Variants in PCF11 observed in about 807,000 individuals in gnomAD.
The protein encoded by PCF11 is PCF11 cleavage and polyadenylation factor subunit.
A neutral mutation model predicts 166.1 loss-of-function variants in PCF11; 19 were observed. That is an observed-to-expected ratio of 0.11 (90% CI 0.08 to 0.17). The LOEUF (loss-of-function observed/expected upper bound fraction) is 0.17, where lower values mean the gene tolerates loss of function less well. Among genes scored for constraint, PCF11 ranks in the 10% least tolerant of loss-of-function variants. PCF11 has a pLI of 1.00. For synonymous variants in PCF11, 663 were observed against 644.1 expected (o/e 1.03, Z -0.44); for missense variants, 1,565 against 1,855.5 (o/e 0.84, Z 2.88).
At chr11:83,166,814 C>CT (rs1860479929) in intron 5 of PCF11, 100 bp downstream of exon 5, 3 of 994,794 alleles carry the variant, frequency 3.0e-6, no homozygotes, top group Non-Finnish European at 4.5e-6. Context: ...GCTATTAGTA[C>CT]TTTTTTTCCA....
intron 11 of PCF11, 144 bp downstream of exon 11, chr11:83,177,963 TGTG>T (rs1311838248): frequency 1.1e-5 from 4 of 369,908 alleles, no homozygotes; most frequent in Non-Finnish European, 2.0e-5. Flanking sequence ...TTTTTTTTAA[TGTG>T]GTAAAATATA....
chr11:83,166,994 ATTTAT>A, intron 5 of PCF11, 126 bp from the exon 6 acceptor site: 1 of 733,796 alleles, frequency 1.4e-6, no homozygotes, highest in Non-Finnish European at 2.2e-6. Context: ...GCTCTTAATC[ATTTAT>A]TTAATTACTT....
At position 83,170,055 on chromosome 11, in the gene PCF11, TC is replaced by T. The variant is rs973505211; in HGVS notation, c.3660+61del. 16 of 1,373,100 alleles carry T rather than the reference TC, an allele frequency of 1.2e-5. No individual in the cohort carries two copies. The African/African-American group carries it at 1.9e-4, about 16-fold the overall frequency. 85.1% of individuals were successfully genotyped at this position (1,373,100 alleles called of 1,614,324 possible). Reference sequence around the variant, plus strand: ...GATAAGTTAACCATTTTTTAATGTTTCTAGGAGGGTTTTCAGGACATAGTTT... The same window carrying T: ...GATAAGTTAACCATTTTTTAATGTTTTAGGAGGGTTTTCAGGACATAGTTT... On this transcript the variant is annotated intron_variant, in intron 8 of 15. Transcript: ENST00000298281.
intron 1 of PCF11, among the ~76,000 whole-genome samples, chr11:83,159,719 C>A (rs1245741693): frequency 6.6e-6 from 1 of 152,174 alleles, no homozygotes; most frequent in South Asian, 2.1e-4. Flanking sequence ...GAGGGATTTC[C>A]GTTATTTGGT....
intron 1 of PCF11, among the ~76,000 whole-genome samples, chr11:83,160,949 A>G (rs1860225662): frequency 6.6e-6 from 1 of 152,238 alleles, no homozygotes; most frequent in African/African-American, 2.4e-5. Context: ...GAGTGTAGGC[A>G]CACCGTTGTA....
At chr11:83,169,814 A>G in exon 8 of PCF11, 1 of 1,613,134 alleles carries the variant, frequency 6.2e-7, no homozygotes, top group Non-Finnish European at 8.5e-7. Context: ...CAAATATTTG[A>G]TTCACCTCAA....
At chr11:83,161,512 A>G (rs1860252691) in intron 2 of PCF11, 60 bp downstream of exon 2, 1 of 1,313,368 alleles carries the variant, frequency 7.6e-7, no homozygotes. Context: ...CTGATTAAAT[A>G]AATATTTGCT....
At chr11:83,157,134 C>A in exon 1 of PCF11, 1 of 520,720 alleles carries the variant, frequency 1.9e-6, no homozygotes, top group Non-Finnish European at 3.4e-6. Flanking sequence ...TCATTTCGCA[C>A]GACGCAGCGG....
chr11:83,179,925 A>C (rs1861028686), intron 11 of PCF11, among the ~76,000 whole-genome samples: 1 of 151,934 alleles, frequency 6.6e-6, no homozygotes, highest in South Asian at 2.1e-4. Flanking sequence ...GTCTCCAAAA[A>C]AAACGGGCGG....
exon 1 of PCF11, chr11:83,157,138 G>C: frequency 1.8e-6 from 1 of 546,786 alleles, no homozygotes; most frequent in East Asian, 2.9e-5. Context: ...TTCGCACGAC[G>C]CAGCGGTTGG....
Position 83,167,886 on chromosome 11 carries a change from G to A in PCF11, c.2092+381G>A. 3.1e-6 allele frequency: 4 copies of A among 1,304,668 alleles called. No homozygotes were observed. The highest frequency in any genetic ancestry group is 4.0e-6 in the Non-Finnish European group (4 of 999,436). The allele number at this position is 1,304,668 out of a possible 1,614,324, so 80.8% of individuals were successfully genotyped here. On this transcript the variant is annotated intron_variant, in intron 7 of 15. Coordinates refer to ENST00000298281, the Ensembl canonical transcript of PCF11. This position sits in a 1 kb window ranked among gnomAD's most constrained non-coding sequence, Gnocchi z 4.2. Reference sequence around the variant, plus strand: ...GGGCCGGAGAAGACATGACGAGCAAGTCTCTGCTAAAGGTAGAAAAAGTTA... The same window carrying A: ...GGGCCGGAGAAGACATGACGAGCAAATCTCTGCTAAAGGTAGAAAAAGTTA...
Position 83,167,851 on chromosome 11 carries a change from C to T in PCF11, c.2092+346C>T. 7.6e-7 allele frequency: 1 copy of T among 1,315,486 alleles called. No individual in the cohort carries two copies. 81.5% of individuals were successfully genotyped at this position (1,315,486 alleles called of 1,614,324 possible). ...AGTCGTACTTATGCTGAGAATCTTTCACCCCATGAGGGCCGGAGAAGACAT... is the reference window on the plus strand; with the variant it reads ...AGTCGTACTTATGCTGAGAATCTTTTACCCCATGAGGGCCGGAGAAGACAT... On this transcript the variant is annotated intron_variant, in intron 7 of 15. Coordinates refer to ENST00000298281, the Ensembl canonical transcript of PCF11. This position sits in a 1 kb window ranked among gnomAD's most constrained non-coding sequence, Gnocchi z 4.2.
intron 2 of PCF11, among the ~76,000 whole-genome samples, chr11:83,162,844 G>A (rs1860309196): frequency 6.6e-6 from 1 of 151,986 alleles, no homozygotes; most frequent in South Asian, 2.1e-4. Context: ...GCACAATCTC[G>A]GCTCACTGCA....
intron 8 of PCF11, among the ~76,000 whole-genome samples, chr11:83,170,290 T>C (rs1402227857): frequency 2.0e-5 from 3 of 152,138 alleles, no homozygotes; most frequent in East Asian, 3.8e-4. Flanking sequence ...TTTTGAGATA[T>C]TATACAATTG....
At chr11:83,175,360 T>A (rs1028642940) in intron 9 of PCF11, among the ~76,000 whole-genome samples, 49 of 152,154 alleles carry the variant, frequency 3.2e-4, no homozygotes, top group African/African-American at 1.2e-3. Context: ...CTCAAACTCC[T>A]GACCTCAGGT....
chr11:83,164,269 T>C, exon 4 of PCF11: 1 of 1,613,834 alleles, frequency 6.2e-7, no homozygotes, highest in Non-Finnish European at 8.5e-7. Flanking sequence ...CTCCTCCAAT[T>C]GTTCCTGATA....
intron 12 of PCF11, among the ~76,000 whole-genome samples, chr11:83,181,620 T>C (rs1025624361): frequency 5.3e-5 from 8 of 151,802 alleles, no homozygotes; most frequent in African/African-American, 1.9e-4. Flanking sequence ...AAAAATATAC[T>C]TGAAGCTTGT....
chr11:83,166,298 G>A (rs1375578945), exon 5 of PCF11: 3 of 1,613,470 alleles, frequency 1.9e-6, no homozygotes, highest in South Asian at 2.2e-5. Context: ...CAGAAAAACA[G>A]GGGACAAAAC....
exon 8 of PCF11, chr11:83,169,112 C>T (rs914562328): frequency 6.2e-7 from 1 of 1,613,044 alleles, no homozygotes; most frequent in African/African-American, 1.3e-5. Flanking sequence ...CCATCAGGGG[C>T]TGCGATTAGG....
Sources: allele counts gnomAD v4.1 joint callset (sites outside exome capture counted in the v4.1 genomes callset), GRCh38; gene constraint gnomAD v4.1.1; non-coding constraint Gnocchi (gnomAD v3.1); transcripts MANE v1.5; gene names NCBI Gene and HGNC (gene_info 2026-07-23, HGNC 2026-07-21).